The following CAPRIN2 variants were observed in gnomAD, a reference collection of about 807,000 sequenced individuals.
The protein encoded by CAPRIN2 is caprin family member 2.
In CAPRIN2, 66 loss-of-function variants were observed where a neutral mutation model predicts 130.4. That is an observed-to-expected ratio of 0.51 (90% CI 0.42 to 0.62). The LOEUF (loss-of-function observed/expected upper bound fraction) is 0.62, where lower values mean the gene tolerates loss of function less well. CAPRIN2 is among the 20% of genes least tolerant of loss of function. The pLI, the probability that CAPRIN2 is intolerant of heterozygous loss-of-function variation, is 0.00. For synonymous variants in CAPRIN2, 471 were observed against 444.1 expected (o/e 1.06, Z -0.76); for missense variants, 1,185 against 1,246.6 (o/e 0.95, Z 0.74).
intron 3 of CAPRIN2, among the ~76,000 whole-genome samples, chr12:30,739,070 T>C (rs2066132422): frequency 1.3e-5 from 2 of 152,180 alleles, no homozygotes; most frequent in Non-Finnish European, 2.9e-5. Context: ...TCCAAAGGAA[T>C]ATAAATCATT....
exon 4 of CAPRIN2, chr12:30,735,103 T>C (rs1024695364): frequency 1.2e-5 from 19 of 1,614,068 alleles, no homozygotes; most frequent in Non-Finnish European, 1.6e-5. Flanking sequence ...TGTCAAGTTC[T>C]GCAATACATA....
chr12:30,725,700 G>A (rs910472475), intron 9 of CAPRIN2, among the ~76,000 whole-genome samples: 11 of 152,102 alleles, frequency 7.2e-5, no homozygotes, highest in Non-Finnish European at 1.6e-4. Context: ...TAGCAGTAAT[G>A]ATCCTTGAGC....
chr12:30,715,208 A>AT (rs1491499990), intron 13 of CAPRIN2, 67 bp from the exon 16 acceptor site: 56 of 1,261,406 alleles, frequency 4.4e-5, no homozygotes, highest in Non-Finnish European at 6.4e-5. Flanking sequence ...TTAAAAGCCA[A>AT]TATATATCAA....
At chr12:30,735,301 T>G in intron 3 of CAPRIN2, 95 bp from the exon 5 acceptor site, 1 of 909,284 alleles carries the variant, frequency 1.1e-6, no homozygotes, top group Non-Finnish European at 1.8e-6. Flanking sequence ...TAGCTGAGAT[T>G]AGATGATAAA....
chr12:30,729,548 A>C (rs138900519), intron 7 of CAPRIN2, among the ~76,000 whole-genome samples: 2,977 of 152,286 alleles, frequency 0.02, 42 homozygotes, highest in Non-Finnish European at 0.031. Context: ...AGACTTCGAT[A>C]CATCAAAAGT....
In CAPRIN2 at chr12:30,728,636, A is replaced by C; in HGVS notation, c.1782+12T>G. Reference sequence around the variant, plus strand: ...TACACTTACAGAAGCAGAATGATACAGATCAACTCACATCTTTGGGTTCTG... The same window carrying C: ...TACACTTACAGAAGCAGAATGATACCGATCAACTCACATCTTTGGGTTCTG... On this transcript the variant is annotated intron_variant, in intron 8 of 16. Transcript: ENST00000298892. 6.3e-7 allele frequency: 1 copy of C among 1,588,204 alleles called. No individual in the cohort carries two copies. Among genetic ancestry groups the C allele is most frequent in the Non-Finnish European group, 8.6e-7 (1 of 1,168,326 alleles).
In CAPRIN2 at chr12:30,751,455, C is replaced by A. The variant is rs1396007406; in HGVS notation, c.421-322G>T. On this transcript the variant is annotated intron_variant, in intron 1 of 16. Coordinates refer to ENST00000298892, the Ensembl canonical transcript of CAPRIN2. ...TCATGTGTCCCCAACACAGTAGCTT[C>A]TCAACAGGGAACAATTTTGTCCCCC... 3 of 228,964 alleles carry A rather than the reference C, an allele frequency of 1.3e-5. No homozygotes were observed. The East Asian group carries it at 2.8e-4, about 21-fold the overall frequency. The allele number at this position is 228,964 out of a possible 1,614,324, so 14.2% of individuals were successfully genotyped here.
At chr12:30,714,873 G>A (rs2136516696) in intron 14 of CAPRIN2, 86 bp downstream of exon 16, 1 of 1,074,470 alleles carries the variant, frequency 9.3e-7, no homozygotes, top group Non-Finnish European at 1.4e-6. Flanking sequence ...ATGACAAAAG[G>A]GAGCAAGGTT....
At chr12:30,754,258 G>GAGAT in exon 1 of CAPRIN2, 1 of 154,210 alleles carries the variant, frequency 6.5e-6, no homozygotes, top group Admixed American at 6.4e-5. Context: ...GCCCAAAACC[G>GAGAT]CTTACACCCA....
intron 11 of CAPRIN2, among the ~76,000 whole-genome samples, chr12:30,721,140 G>A (rs1256976664): frequency 6.6e-6 from 1 of 152,162 alleles, no homozygotes; most frequent in South Asian, 2.1e-4. Context: ...GAAAGGTTAA[G>A]ACATTTGCCC....
At chr12:30,726,351 T>C (rs1209988675) in intron 8 of CAPRIN2, among the ~76,000 whole-genome samples, 1 of 152,052 alleles carries the variant, frequency 6.6e-6, no homozygotes, top group Non-Finnish European at 1.5e-5. Context: ...TTGTTAAGAG[T>C]GTTTTCATTA....
chr12:30,744,710 T>A (rs914287583), intron 2 of CAPRIN2, among the ~76,000 whole-genome samples: 3 of 152,182 alleles, frequency 2.0e-5, no homozygotes, highest in African/African-American at 7.2e-5. Flanking sequence ...ATCCATCATA[T>A]CTGTATTTGC....
intron 9 of CAPRIN2, among the ~76,000 whole-genome samples, chr12:30,724,771 G>A (rs1490501844): frequency 6.6e-6 from 1 of 152,086 alleles, no homozygotes; most frequent in African/African-American, 2.4e-5. Context: ...TAGAAGGATC[G>A]CTTGAGCTCA....
intron 1 of CAPRIN2, among the ~76,000 whole-genome samples, chr12:30,752,264 T>C (rs2074356114): frequency 1.3e-5 from 2 of 152,102 alleles, no homozygotes; most frequent in South Asian, 2.1e-4. Flanking sequence ...TCCTCCTGTA[T>C]TGGCTTTAGT....
chr12:30,733,379 T>A (rs2063390522), intron 5 of CAPRIN2, among the ~76,000 whole-genome samples: 1 of 152,158 alleles, frequency 6.6e-6, no homozygotes, highest in Admixed American at 6.6e-5. Flanking sequence ...AAGCCAGTAC[T>A]TAGCTCTATT....
chr12:30,731,550 A>C (rs575191236), intron 5 of CAPRIN2, 40 bp from the exon 7 acceptor site: 1 of 1,520,932 alleles, frequency 6.6e-7, no homozygotes, highest in South Asian at 1.2e-5. Flanking sequence ...CACATGACCT[A>C]ATTGAAAATT....
chr12:30,735,331 C>T, intron 3 of CAPRIN2, 125 bp from the exon 5 acceptor site: 1 of 762,066 alleles, frequency 1.3e-6, no homozygotes, highest in South Asian at 1.7e-5. Flanking sequence ...TGTCAAACTA[C>T]CAGTTTAGTC....
Position 30,710,470 on chromosome 12 carries a change from G to T in CAPRIN2, c.2666C>A (p.Ala889Glu). 6.2e-7 allele frequency: 1 copy of T among 1,613,784 alleles called. No homozygotes were observed. The highest frequency in any genetic ancestry group is 1.1e-5 in the South Asian group (1 of 91,082). The change falls in exon 17 of 17, where the codon GCA (alanine) becomes GAA (glutamate). Residue 889 changes from alanine to glutamate, a missense_variant and splice_region_variant. Physicochemically the swap from Ala to Glu is moderately radical, Grantham distance 107. Around this residue, in one of 2 missense-constraint regions of CAPRIN2, gnomAD observed 1,104 missense variants for 1,104.3 expected, o/e 1.00. Transcript: ENST00000298892. This position sits in a 1 kb window ranked among gnomAD's most constrained non-coding sequence, Gnocchi z 4.8. ...CACCTGAGAAGAATCACTCCACCCT[G>T]CTGTTTTATTAGCAACAGTGAGTTT...
chr12:30,716,763 A>T, intron 12 of CAPRIN2, 87 bp from the exon 15 acceptor site: 1 of 1,225,056 alleles, frequency 8.2e-7, no homozygotes, highest in Admixed American at 2.2e-5. Flanking sequence ...TACATTCAAA[A>T]ACTTCTATTT....
Sources: allele counts gnomAD v4.1 joint callset (sites outside exome capture counted in the v4.1 genomes callset), GRCh38; gene constraint gnomAD v4.1.1; regional missense constraint gnomAD v4.1.1; non-coding constraint Gnocchi (gnomAD v3.1); transcripts MANE v1.5; gene names NCBI Gene and HGNC (gene_info 2026-07-23, HGNC 2026-07-21).